ADAMTSL3: variants seen among roughly 807,000 people sequenced by gnomAD.
ADAMTSL3 encodes the protein ADAMTS-like protein 3.
Under a neutral mutation model 201.7 loss-of-function variants are expected in ADAMTSL3, and 128 were observed. That is an observed-to-expected ratio of 0.63 (90% confidence interval 0.55 to 0.73). The LOEUF is 0.73. Ranked by LOEUF, ADAMTSL3 falls within the 30% of genes least tolerant of loss-of-function variation. The pLI, the probability that ADAMTSL3 is intolerant of heterozygous loss-of-function variation, is 0.00. For synonymous variants in ADAMTSL3, 738 were observed against 748.4 expected, an observed-to-expected ratio of 0.99 and a Z score of 0.23; for missense variants, 1,990 against 2,119.6, an observed-to-expected ratio of 0.94 and a Z score of 1.20.
At position 83,820,057 on chromosome 15, in the gene ADAMTSL3, C is replaced by G. The variant is rs751523694; in HGVS notation, c.600+10C>G. On this transcript the variant is annotated intron_variant, in intron 6 of 29. Transcript: ENST00000286744. ...CAGTGGCATCTGTCAGGTAAGCACA[C>G]TTACCTCCCAATCCCCTGCTTTGGG... 6.9e-6 allele frequency: 11 copies of G among 1,605,388 alleles called. No homozygotes were observed. The highest frequency in any genetic ancestry group is 1.7e-5 in the Admixed American group (1 of 60,006).
chr15:83,807,149 G>T (rs1676365771), intron 5 of ADAMTSL3, among the ~76,000 whole-genome samples: 1 of 152,094 alleles, frequency 6.6e-6, no homozygotes, highest in Non-Finnish European at 1.5e-5. Flanking sequence ...AAAGATCTTT[G>T]CATTAAAAAT....
At chr15:83,951,093 C>A (rs1234360032) in intron 19 of ADAMTSL3, among the ~76,000 whole-genome samples, 1 of 149,758 alleles carries the variant, frequency 6.7e-6, no homozygotes, top group Non-Finnish European at 1.5e-5. Flanking sequence ...TTGTCTTTTT[C>A]CAGATATTAC....
At chr15:83,887,386 C>G (rs1259116137) in intron 10 of ADAMTSL3, among the ~76,000 whole-genome samples, 2 of 152,172 alleles carry the variant, frequency 1.3e-5, no homozygotes, top group Non-Finnish European at 2.9e-5. Context: ...TATCCCTTGT[C>G]ACAAATAGAG....
chr15:83,970,415 CT>C, intron 19 of ADAMTSL3, 68 bp from the exon 20 acceptor site: 4 of 1,583,634 alleles, frequency 2.5e-6, no homozygotes, highest in South Asian at 1.1e-5. Flanking sequence ...CCCTTGGAGA[CT>C]TTGCTGTTGT....
intron 3 of ADAMTSL3, among the ~76,000 whole-genome samples, chr15:83,734,416 C>T (rs2062336316): frequency 6.6e-6 from 1 of 152,156 alleles, no homozygotes; most frequent in Non-Finnish European, 1.5e-5. Flanking sequence ...TTTAAATTTT[C>T]ATCCACGAGT....
At chr15:83,979,410 C>T (rs768739744) in intron 20 of ADAMTSL3, among the ~76,000 whole-genome samples, 4 of 152,276 alleles carry the variant, frequency 2.6e-5, no homozygotes, top group Non-Finnish European at 5.9e-5. Context: ...GATACTTACA[C>T]GGGTAGGCAT....
chr15:83,803,674 C>G (rs2063556773), intron 4 of ADAMTSL3, among the ~76,000 whole-genome samples: 1 of 152,104 alleles, frequency 6.6e-6, no homozygotes, highest in Non-Finnish European at 1.5e-5. Context: ...TCCAGTCTCC[C>G]AAAGGAAAAC....
intron 19 of ADAMTSL3, among the ~76,000 whole-genome samples, chr15:83,946,141 T>C (rs901845019): frequency 6.6e-6 from 1 of 152,216 alleles, no homozygotes; most frequent in African/African-American, 2.4e-5. Flanking sequence ...TCCTTGCTTC[T>C]TTCCTCTAAG....
intron 3 of ADAMTSL3, among the ~76,000 whole-genome samples, chr15:83,714,863 TCCCTCCCTCC>T: frequency 3.5e-5 from 1 of 28,924 alleles, no homozygotes; most frequent in Non-Finnish European, 5.5e-5. Flanking sequence ...CCTCCCTCCC[TCCCTCCCTCC>T]CTCCCTTCCT....
At chr15:84,029,788 A>G (rs2068371224) in intron 27 of ADAMTSL3, among the ~76,000 whole-genome samples, 1 of 152,228 alleles carries the variant, frequency 6.6e-6, no homozygotes, top group East Asian at 1.9e-4. Flanking sequence ...CCTGAGGCAT[A>G]GGAGAAAAAA....
chr15:83,746,343 G>A (rs993461676), intron 3 of ADAMTSL3, among the ~76,000 whole-genome samples: 2 of 151,128 alleles, frequency 1.3e-5, no homozygotes, highest in African/African-American at 4.8e-5. Flanking sequence ...AGAGTGCAAG[G>A]GAGGCTGGGA....
Position 83,974,526 on chromosome 15 carries a change from T to C in ADAMTSL3, c.2644+3889T>C, listed in dbSNP as rs2067249194. ...AATAAGTAAGTTGTGTTGTATATTC[T>C]GGCCTATTAGGGTATGAGCTTGTAT... On this transcript the variant is annotated intron_variant, in intron 20 of 29. Coordinates refer to ENST00000286744, the MANE Select transcript of ADAMTSL3 (RefSeq NM_207517.3). Among the ~76,000 whole-genome samples, 2 of 152,250 alleles carry C rather than the reference T, an allele frequency of 1.3e-5. 1 individual carries two copies. Among genetic ancestry groups the C allele is most frequent in the Admixed American group, 1.3e-4 (2 of 15,292 alleles).
At position 83,688,755 on chromosome 15, in the gene ADAMTSL3, T is replaced by TAC. The variant is rs34509050; in HGVS notation, c.70-15608_70-15607dup. On this transcript the variant is annotated intron_variant, in intron 2 of 29. Transcript: ENST00000286744. Reference sequence around the variant, plus strand: ...TGTTAAGTATACACATGCATATATATACACACACACACACACACACACACA... The same window carrying TAC: ...TGTTAAGTATACACATGCATATATATACACACACACACACACACACACACACA... 3.6e-3 allele frequency among the ~76,000 whole-genome samples: 535 copies of TAC among 149,078 alleles called. 1 individual carries two copies. The highest frequency in any genetic ancestry group is 6.9e-3 in the Middle Eastern group (2 of 290).
chr15:83,997,905 C>T (rs1011420896), intron 23 of ADAMTSL3, among the ~76,000 whole-genome samples: 3 of 151,786 alleles, frequency 2.0e-5, no homozygotes, highest in African/African-American at 7.3e-5. Context: ...TGGTCCTTTG[C>T]AGGAATCTGG....
At chr15:83,857,754 A>G (rs1460711069) in intron 7 of ADAMTSL3, among the ~76,000 whole-genome samples, 4 of 152,342 alleles carry the variant, frequency 2.6e-5, no homozygotes, top group South Asian at 2.1e-4. Context: ...AAACTAGTCA[A>G]TCAATATATT....
At chr15:84,016,242 TG>T in intron 24 of ADAMTSL3, 140 bp from the exon 25 acceptor site, 1 of 642,776 alleles carries the variant, frequency 1.6e-6, no homozygotes, top group Non-Finnish European at 2.7e-6. Flanking sequence ...CCCAGACCTG[TG>T]GTCATGAGCT....
intron 2 of ADAMTSL3, among the ~76,000 whole-genome samples, chr15:83,687,799 T>C (rs990500882): frequency 3.3e-5 from 5 of 152,140 alleles, no homozygotes; most frequent in South Asian, 4.1e-4. Flanking sequence ...ATGGCTCTTA[T>C]TGAAACAGTA....
At chr15:83,909,098 T>C (rs1298056403) in intron 15 of ADAMTSL3, among the ~76,000 whole-genome samples, 1 of 152,208 alleles carries the variant, frequency 6.6e-6, no homozygotes, top group East Asian at 1.9e-4. Context: ...ACACTTCAAA[T>C]CCCTCTCGCT....
chr15:83,847,284 A>G (rs547760185), intron 7 of ADAMTSL3, among the ~76,000 whole-genome samples: 2 of 152,272 alleles, frequency 1.3e-5, no homozygotes, highest in East Asian at 1.9e-4. Flanking sequence ...TTACTGGCAT[A>G]CTGCATTTTT....
Sources: gnomAD v4.1 joint callset for allele counts (sites outside exome capture counted in the v4.1 genomes callset) on GRCh38, gnomAD v4.1.1 for gene constraint, MANE v1.5 for transcripts, NCBI Gene and HGNC (gene_info 2026-07-23, HGNC 2026-07-21) for gene names.